Variants in MLIP observed in about 807,000 individuals in gnomAD.
MLIP encodes the protein muscular LMNA-interacting protein.
In MLIP, 79 loss-of-function variants were observed where a neutral mutation model predicts 84.8. The ratio of observed to expected loss-of-function variants is 0.93; its 90% CI spans 0.78 to 1.12. The LOEUF (loss-of-function observed/expected upper bound fraction) is 1.12, where lower values mean the gene tolerates loss of function less well. Ranked by LOEUF, MLIP falls within the 50% of genes most tolerant of loss-of-function variation. The pLI is 0.00. For synonymous variants in MLIP, 504 were observed against 463.0 expected (o/e 1.09, Z -1.14); for missense variants, 1,257 against 1,160.6 (o/e 1.08, Z -1.21).
intron 9 of MLIP, among the ~76,000 whole-genome samples, chr6:54,172,315 A>G (rs1775850334): frequency 6.6e-6 from 1 of 151,624 alleles, no homozygotes; most frequent in African/African-American, 2.4e-5. Flanking sequence ...ACTAGTCACT[A>G]TTTCTAGCTC....
chr6:54,158,605 A>G (rs1261214224), intron 5 of MLIP, among the ~76,000 whole-genome samples: 1 of 152,110 alleles, frequency 6.6e-6, no homozygotes, highest in Non-Finnish European at 1.5e-5. Context: ...AAAATGGATT[A>G]AAAAACAAGT....
intron 12 of MLIP, among the ~76,000 whole-genome samples, chr6:54,247,195 A>T (rs867659385): frequency 4.6e-5 from 7 of 152,296 alleles, no homozygotes; most frequent in Admixed American, 1.3e-4. Context: ...ATTTGGCAGT[A>T]CTATGAACAT....
chr6:54,092,578 C>T (rs1014845871), intron 1 of MLIP, among the ~76,000 whole-genome samples: 5 of 151,452 alleles, frequency 3.3e-5, no homozygotes, highest in African/African-American at 1.2e-4. Context: ...TAATTATACC[C>T]ACAATATAGC....
intron 9 of MLIP, among the ~76,000 whole-genome samples, chr6:54,176,552 T>C (rs1445697026): frequency 6.6e-6 from 1 of 151,860 alleles, no homozygotes; most frequent in Non-Finnish European, 1.5e-5. Flanking sequence ...CTACTAATAA[T>C]CCTTTAAATT....
Position 54,136,824 on chromosome 6 carries a change from G to A in MLIP, c.755G>A (p.Gly252Glu). Reference sequence around the variant, plus strand: ...CCACCCGACCCAGTTAACCTCGAGGGAGCCTCTGTCCTAGAGGAGTTCCAC... The same window carrying A: ...CCACCCGACCCAGTTAACCTCGAGGAAGCCTCTGTCCTAGAGGAGTTCCAC... ...NTPPDPVNLE[G>E]ASVLEEFHTR... The change falls in exon 4 of 14, where the codon GGA becomes GAA. Residue 252 changes from glycine to glutamate, a missense_variant. Coordinates refer to ENST00000502396, the MANE Select transcript of MLIP (RefSeq NM_001281747.2). The A allele has an allele frequency of 6.5e-7, 1 of 1,530,948 alleles. No homozygotes were observed. Among genetic ancestry groups the A allele is most frequent in the Non-Finnish European group, 8.8e-7 (1 of 1,142,574 alleles). 94.8% of individuals were successfully genotyped at this position (1,530,948 alleles called of 1,614,324 possible). A position where few individuals can be genotyped will look rare whatever the true frequency, so the allele number is the denominator to read the frequency against.
intron 8 of MLIP, among the ~76,000 whole-genome samples, chr6:54,167,878 G>A (rs1264456985): frequency 1.3e-5 from 2 of 151,586 alleles, no homozygotes; most frequent in Non-Finnish European, 2.9e-5. Flanking sequence ...TCTGTTTTTG[G>A]CAAGTCCTGG....
chr6:54,037,328 T>A (rs1038621767), intron 1 of MLIP, among the ~76,000 whole-genome samples: 2 of 151,982 alleles, frequency 1.3e-5, no homozygotes, highest in Non-Finnish European at 1.5e-5. Context: ...TTTCCTGGAC[T>A]AACTCTGTAA....
chr6:54,093,764 G>A (rs1336664221), intron 1 of MLIP, among the ~76,000 whole-genome samples: 1 of 152,176 alleles, frequency 6.6e-6, no homozygotes, highest in Non-Finnish European at 1.5e-5. Context: ...GACCCACCAG[G>A]CTAAAGGCTG....
chr6:54,222,818 C>T (rs9474763), intron 11 of MLIP, among the ~76,000 whole-genome samples: 2 of 151,896 alleles, frequency 1.3e-5, no homozygotes, highest in Admixed American at 6.6e-5. Context: ...TACTGACTTA[C>T]CAATTAACAT....
At chr6:54,158,434 G>A (rs1010179159) in intron 5 of MLIP, among the ~76,000 whole-genome samples, 3 of 151,956 alleles carry the variant, frequency 2.0e-5, no homozygotes, top group Admixed American at 6.6e-5. Context: ...ATTGCTTATT[G>A]CATTTTTGGT....
intron 1 of MLIP, among the ~76,000 whole-genome samples, chr6:54,095,510 T>A (rs1025277341): frequency 1.3e-5 from 2 of 152,186 alleles, no homozygotes; most frequent in African/African-American, 4.8e-5. Flanking sequence ...CATTCAATTC[T>A]GGGTTTTCCT....
At chr6:54,208,600 T>A (rs1431590246) in intron 11 of MLIP, among the ~76,000 whole-genome samples, 1 of 152,182 alleles carries the variant, frequency 6.6e-6, no homozygotes, top group Non-Finnish European at 1.5e-5. Context: ...AAAAAATTTT[T>A]TTGTTTGTAA....
At chr6:54,257,507 CA>C (rs1307750528) in intron 13 of MLIP, 146 bp downstream of exon 13, 1 of 609,542 alleles carries the variant, frequency 1.6e-6, no homozygotes, top group Non-Finnish European at 2.8e-6. Context: ...CTGTCAGTCA[CA>C]AGGATTTGAT....
chr6:54,064,763 TG>T (rs1393519748), intron 1 of MLIP, among the ~76,000 whole-genome samples: 1 of 99,178 alleles, frequency 1.0e-5, no homozygotes, highest in African/African-American at 2.6e-5. Flanking sequence ...AGCAAGCAGC[TG>T]CCTATCAGGG....
chr6:54,052,151 G>A (rs767686805), intron 1 of MLIP, among the ~76,000 whole-genome samples: 7 of 152,148 alleles, frequency 4.6e-5, no homozygotes, highest in African/African-American at 7.2e-5. Context: ...GGGTGAGAAC[G>A]CTGACTTGCC....
At chr6:54,204,140 A>AT (rs930236042) in intron 11 of MLIP, among the ~76,000 whole-genome samples, 6 of 152,124 alleles carry the variant, frequency 3.9e-5, no homozygotes, top group South Asian at 4.1e-4. Context: ...TATAAGTCTG[A>AT]TTTTTTTAGA....
At chr6:54,020,181 C>A (rs768989775) in intron 1 of MLIP, among the ~76,000 whole-genome samples, 5 of 152,122 alleles carry the variant, frequency 3.3e-5, no homozygotes, top group Admixed American at 6.5e-5. Context: ...AATATAAGAC[C>A]ATGGTTTTGT....
At chr6:54,202,260 G>A (rs199662822) in intron 11 of MLIP, 27 bp downstream of exon 11, 6 of 1,314,274 alleles carry the variant, frequency 4.6e-6, no homozygotes, top group Non-Finnish European at 5.9e-6. Flanking sequence ...GAAAATGTTT[G>A]CTATTTTGAT....
intron 1 of MLIP, chr6:54,083,583 C>T (rs998053042): frequency 2.5e-5 from 39 of 1,535,886 alleles, no homozygotes; most frequent in Non-Finnish European, 3.1e-5. Context: ...CACCGGATTC[C>T]ATGTGCAGCT....
Sources: allele counts gnomAD v4.1 joint callset (sites outside exome capture counted in the v4.1 genomes callset), GRCh38; gene constraint gnomAD v4.1.1; transcripts MANE v1.5; gene names NCBI Gene and HGNC (gene_info 2026-07-23, HGNC 2026-07-21).